The following REDIC1 variants were observed in gnomAD, a reference collection of about 807,000 sequenced individuals.
REDIC1 encodes HEI10 Interacting Protein 1.
At chr12:39,721,313 G>T in the REDIC1 span, 7 of 1,393,228 alleles carry the variant, frequency 5.0e-6, no homozygotes, top group Non-Finnish European at 6.9e-6. Flanking sequence ...AACAGTAAAT[G>T]TTGAAAATTT....
the REDIC1 span, chr12:39,692,057 GGAA>G: frequency 6.3e-6 from 10 of 1,575,400 alleles, no homozygotes; most frequent in Non-Finnish European, 8.6e-6. Context: ...AGATTCTGAT[GGAA>G]GAAGGAGGAA....
At chr12:39,846,269 T>C in the REDIC1 span, among the ~76,000 whole-genome samples, 2 of 152,116 alleles carry the variant, frequency 1.3e-5, no homozygotes, top group African/African-American at 4.8e-5. Flanking sequence ...CATAAGGAAT[T>C]ACTGTCCACT....
At chr12:39,871,921 C>A in the REDIC1 span, 2 of 1,609,952 alleles carry the variant, frequency 1.2e-6, no homozygotes, top group Non-Finnish European at 1.7e-6. Context: ...AGTCTATCAT[C>A]TTCAACACCA....
chr12:39,858,946 C>A, the REDIC1 span, among the ~76,000 whole-genome samples: 1 of 151,992 alleles, frequency 6.6e-6, no homozygotes, highest in South Asian at 2.1e-4. Flanking sequence ...GTTTTATGAT[C>A]GAATCTGACA....
chr12:39,765,340 T>G, the REDIC1 span, among the ~76,000 whole-genome samples: 1 of 152,030 alleles, frequency 6.6e-6, no homozygotes, highest in East Asian at 1.9e-4. Flanking sequence ...TCTATCTGAT[T>G]CCAAATAGCC....
chr12:39,682,664 A>G, the REDIC1 span: 2 of 1,610,178 alleles, frequency 1.2e-6, no homozygotes, highest in Non-Finnish European at 1.7e-6. Flanking sequence ...ATGGATGAAG[A>G]TTGTAGAAGC....
At chr12:39,658,507 T>C in the REDIC1 span, among the ~76,000 whole-genome samples, 2 of 152,232 alleles carry the variant, frequency 1.3e-5, no homozygotes, top group Admixed American at 6.5e-5. Flanking sequence ...TTAATTCCTT[T>C]GTGGACAAGG....
the REDIC1 span, among the ~76,000 whole-genome samples, chr12:39,714,335 A>G: frequency 1.3e-5 from 2 of 148,462 alleles, no homozygotes; most frequent in Admixed American, 1.4e-4. Context: ...ATATGTATAT[A>G]TGTCTGAATA....
chr12:39,722,780 T>G, the REDIC1 span, among the ~76,000 whole-genome samples: 5 of 152,134 alleles, frequency 3.3e-5, no homozygotes, highest in Non-Finnish European at 5.9e-5. Flanking sequence ...TAAAGTGTAG[T>G]GCAGTAAAGA....
At chr12:39,875,075 G>A in the REDIC1 span, among the ~76,000 whole-genome samples, 1 of 152,272 alleles carries the variant, frequency 6.6e-6, no homozygotes, top group African/African-American at 2.4e-5. Context: ...ATATTAGTTT[G>A]TGTTGCTGCC....
chr12:39,663,043 A>AT, the REDIC1 span, among the ~76,000 whole-genome samples: 1 of 151,576 alleles, frequency 6.6e-6, no homozygotes, highest in African/African-American at 2.4e-5. Context: ...ATTGTTGAGG[A>AT]TTTTTGTGTC....
At chr12:39,734,060 G>T in the REDIC1 span, among the ~76,000 whole-genome samples, 1 of 152,230 alleles carries the variant, frequency 6.6e-6, no homozygotes. Flanking sequence ...GGAATCTCCT[G>T]GTTTGCGGGT....
chr12:39,752,207 A>G, the REDIC1 span, among the ~76,000 whole-genome samples: 2 of 152,142 alleles, frequency 1.3e-5, no homozygotes, highest in African/African-American at 2.4e-5. Context: ...GTGGCCTATT[A>G]GGAACCAAGC....
the REDIC1 span, among the ~76,000 whole-genome samples, chr12:39,880,995 A>G: frequency 6.6e-6 from 1 of 152,238 alleles, no homozygotes; most frequent in African/African-American, 2.4e-5. Context: ...GTTGAATTGT[A>G]TGTATAACAG....
At chr12:39,696,641 C>CA in the REDIC1 span, among the ~76,000 whole-genome samples, 4 of 135,854 alleles carry the variant, frequency 2.9e-5, no homozygotes, top group African/African-American at 1.1e-4. Flanking sequence ...ACACAGTATT[C>CA]AAAATAGCTG....
the REDIC1 span, among the ~76,000 whole-genome samples, chr12:39,730,180 T>G: frequency 6.6e-6 from 1 of 152,210 alleles, no homozygotes; most frequent in Admixed American, 6.5e-5. Flanking sequence ...TATTGTTATG[T>G]GTGAATTTGA....
chr12:39,761,930 A>C, the REDIC1 span, among the ~76,000 whole-genome samples: 8 of 152,060 alleles, frequency 5.3e-5, no homozygotes, highest in Non-Finnish European at 1.2e-4. Flanking sequence ...AACAAATCAA[A>C]TCTGTCAGCG....
chr12:39,788,171 C>T, the REDIC1 span, among the ~76,000 whole-genome samples: 1 of 152,026 alleles, frequency 6.6e-6, no homozygotes, highest in African/African-American at 2.4e-5. Flanking sequence ...ATACCTAGTA[C>T]CAAACCCTAT....
At chr12:39,791,251 A>C in the REDIC1 span, among the ~76,000 whole-genome samples, 3 of 141,422 alleles carry the variant, frequency 2.1e-5, no homozygotes, top group South Asian at 7.3e-4. Context: ...TCTATGACAA[A>C]CCCACAGCCA....
Sources: allele counts gnomAD v4.1 joint callset (sites outside exome capture counted in the v4.1 genomes callset), GRCh38; gene constraint gnomAD v4.1.1; transcripts MANE v1.5; gene names NCBI Gene and HGNC (gene_info 2026-07-23, HGNC 2026-07-21).